The following GPD2 variants were observed in gnomAD, a reference collection of about 807,000 sequenced individuals.
The protein encoded by GPD2 is glycerol-3-phosphate dehydrogenase 2, also known as glycerol-3-phosphate dehydrogenase, mitochondrial.
A neutral mutation model predicts 82.4 loss-of-function variants in GPD2; 54 were observed. The observed-to-expected ratio is 0.66, with a 90% confidence interval of 0.53 to 0.82. GPD2 has a LOEUF of 0.82. Ranked by LOEUF, GPD2 falls within the 40% of genes least tolerant of loss-of-function variation. The pLI, the probability that GPD2 is intolerant of heterozygous loss-of-function variation, is 0.00. For missense variants in GPD2, 748 were observed against 896.2 expected, an observed-to-expected ratio of 0.83 and a Z score of 2.11; for synonymous variants, 288 against 306.1, an observed-to-expected ratio of 0.94 and a Z score of 0.62.
chr2:156,564,032 C>A (rs1348360945), intron 9 of GPD2, among the ~76,000 whole-genome samples: 1 of 152,050 alleles, frequency 6.6e-6, no homozygotes, highest in Non-Finnish European at 1.5e-5. Context: ...CAGTGCTGAT[C>A]TTGAGAATCT....
rs1376974099 is a variant in GPD2, at chr2:156,474,225, C to T, written c.-8-1873C>T. 5.3e-5 allele frequency among the ~76,000 whole-genome samples: 8 copies of T among 151,964 alleles called. 1 individual carries two copies. Among genetic ancestry groups the T allele is most frequent in the Non-Finnish European group, 7.4e-5 (5 of 67,992 alleles). On this transcript the variant is annotated intron_variant, in intron 1 of 16. Coordinates refer to ENST00000438166, the MANE Select transcript of GPD2 (RefSeq NM_000408.5). ...TCAGAAGAAAAAAATTTTAAAAATG[C>T]CACCACATATCAGTATATAATTTAT...
At chr2:156,556,995 T>C (rs550190890) in intron 8 of GPD2, among the ~76,000 whole-genome samples, 13 of 152,304 alleles carry the variant, frequency 8.5e-5, no homozygotes, top group African/African-American at 2.9e-4. Flanking sequence ...GAAAAAAGGC[T>C]GAAGACATAT....
intron 1 of GPD2, among the ~76,000 whole-genome samples, chr2:156,449,751 C>T (rs1478740416): frequency 1.3e-5 from 2 of 151,550 alleles, no homozygotes; most frequent in Non-Finnish European, 2.9e-5. Context: ...TGGCTTATGC[C>T]TGTAATCCCA....
At chr2:156,528,972 C>A (rs1685725226) in intron 6 of GPD2, among the ~76,000 whole-genome samples, 1 of 151,928 alleles carries the variant, frequency 6.6e-6, no homozygotes, top group Admixed American at 6.6e-5. Flanking sequence ...ATGGCTGGGA[C>A]AAATGGTATT....
At chr2:156,550,827 T>A in intron 8 of GPD2, 81 bp downstream of exon 8, 1 of 1,105,826 alleles carries the variant, frequency 9.0e-7, no homozygotes, top group Non-Finnish European at 1.4e-6. Context: ...TCTTCTAGCA[T>A]AGCAATAGAT....
intron 6 of GPD2, among the ~76,000 whole-genome samples, chr2:156,532,721 T>C (rs1326882068): frequency 6.6e-6 from 1 of 152,198 alleles, no homozygotes; most frequent in Admixed American, 6.5e-5. Flanking sequence ...TCAGAAATTC[T>C]GAGTATAACT....
intron 2 of GPD2, among the ~76,000 whole-genome samples, chr2:156,493,154 G>A (rs1392682171): frequency 6.6e-6 from 1 of 152,166 alleles, no homozygotes; most frequent in Non-Finnish European, 1.5e-5. Flanking sequence ...GCAGTAGAGT[G>A]ACTCACAAAG....
At chr2:156,556,462 C>CT (rs34812340) in intron 8 of GPD2, among the ~76,000 whole-genome samples, 2 of 152,112 alleles carry the variant, frequency 1.3e-5, no homozygotes, top group African/African-American at 4.8e-5. Context: ...AAAACATCAG[C>CT]TTTTAGTGAT....
upstream of GPD2, chr2:156,436,332 G>C (rs546273147): frequency 6.6e-6 from 1 of 152,642 alleles, no homozygotes; most frequent in East Asian, 1.9e-4. Flanking sequence ...GGGAAGGCGG[G>C]GGCGCGGCCC....
intron 2 of GPD2, among the ~76,000 whole-genome samples, chr2:156,493,958 G>GTGTGTGTATA (rs60643688): frequency 4.9e-4 from 71 of 143,518 alleles, no homozygotes; most frequent in Non-Finnish European, 6.3e-4. Context: ...GTGTGTGTGT[G>GTGTGTGTATA]TATAATTTTT....
At chr2:156,579,829 C>A in intron 16 of GPD2, 41 bp downstream of exon 16, 1 of 932,594 alleles carries the variant, frequency 1.1e-6, no homozygotes, top group South Asian at 1.3e-5. Context: ...TTGCTTTTAT[C>A]TTTTGTTTGT....
chr2:156,411,739 G>A, the GPD2 span, among the ~76,000 whole-genome samples: 1,062 of 152,260 alleles, frequency 7.0e-3, 5 homozygotes, highest in Middle Eastern at 0.024. Flanking sequence ...GACCTTAAGG[G>A]TCTTTAAACC....
chr2:156,417,173 T>C, the GPD2 span, among the ~76,000 whole-genome samples: 2 of 152,180 alleles, frequency 1.3e-5, no homozygotes, highest in Admixed American at 1.3e-4. Context: ...TTATTTATCT[T>C]TGCATTTTCA....
the GPD2 span, among the ~76,000 whole-genome samples, chr2:156,421,478 G>A: frequency 6.6e-6 from 1 of 152,078 alleles, no homozygotes; most frequent in East Asian, 1.9e-4. Context: ...TGGCTTACTT[G>A]AAAATTCTGT....
chr2:156,558,544 C>T (rs895256336), intron 9 of GPD2, among the ~76,000 whole-genome samples: 6 of 152,076 alleles, frequency 3.9e-5, no homozygotes, highest in African/African-American at 1.4e-4. Flanking sequence ...GATATCTTCT[C>T]ATTGACTTTA....
intron 2 of GPD2, among the ~76,000 whole-genome samples, chr2:156,492,124 A>AG (rs1684199077): frequency 6.8e-6 from 1 of 147,490 alleles, no homozygotes; most frequent in Non-Finnish European, 1.5e-5. Flanking sequence ...CATTCTCACC[A>AG]CCACTTGGTA....
At chr2:156,545,477 G>A (rs2105328245) in intron 6 of GPD2, among the ~76,000 whole-genome samples, 1 of 152,296 alleles carries the variant, frequency 6.6e-6, no homozygotes, top group East Asian at 1.9e-4. Context: ...GGACATGGAA[G>A]GAAATATTCT....
the GPD2 span, among the ~76,000 whole-genome samples, chr2:156,401,271 A>C: frequency 1.3e-5 from 2 of 152,224 alleles, no homozygotes; most frequent in Non-Finnish European, 2.9e-5. Flanking sequence ...CACCCTGGTA[A>C]TTCTCTAAAC....
At chr2:156,403,978 AT>A in the GPD2 span, among the ~76,000 whole-genome samples, 2 of 152,184 alleles carry the variant, frequency 1.3e-5, no homozygotes, top group Non-Finnish European at 2.9e-5. Flanking sequence ...AGACAAACAT[AT>A]TCCTAATATG....
Sources: gnomAD v4.1 joint callset for allele counts (sites outside exome capture counted in the v4.1 genomes callset) on GRCh38, gnomAD v4.1.1 for gene constraint, MANE v1.5 for transcripts, NCBI Gene and HGNC (gene_info 2026-07-23, HGNC 2026-07-21) for gene names.